ARL15: variants seen among roughly 807,000 people sequenced by gnomAD.
ARL15 encodes ADP-ribosylation factor-like protein 15.
A neutral mutation model predicts 25.2 loss-of-function variants in ARL15; 19 were observed. That is an observed-to-expected ratio of 0.75 (90% CI 0.53 to 1.10). ARL15 has a LOEUF of 1.10. Ranked by LOEUF, ARL15 falls within the 50% of genes least tolerant of loss-of-function variation. The probability of loss-of-function intolerance (pLI) is 0.00; values close to 1 mark genes in which losing one functional copy is unlikely to be tolerated. For missense variants in ARL15, 220 were observed against 246.0 expected (o/e 0.89, Z 0.71); for synonymous variants, 94 against 86.8 (o/e 1.08, Z -0.46).
At chr5:54,243,565 A>G (rs1395629709) in intron 1 of ARL15, among the ~76,000 whole-genome samples, 1 of 152,220 alleles carries the variant, frequency 6.6e-6, no homozygotes, top group Non-Finnish European at 1.5e-5. Flanking sequence ...GTTTTCTTAT[A>G]ATACTAAAAA....
rs566534237 is a variant in ARL15 at position 54,286,259 on chromosome 5, T to A, written c.48+24173A>T. The A allele has an allele frequency of 2.0e-5, 3 of 152,258 alleles. No homozygotes were observed. The East Asian group carries it at 5.8e-4, about 29-fold the overall frequency. 9.4% of individuals were successfully genotyped at this position (152,258 alleles called of 1,614,324 possible). On this transcript the variant is annotated intron_variant, in intron 1 of 4. Transcript: ENST00000504924. ...TCTACCCAAAGAGAAACATTTGCAATCTAAAGCAAAGCTAATAAAATTGGC... is the reference window on the plus strand; with the variant it reads ...TCTACCCAAAGAGAAACATTTGCAAACTAAAGCAAAGCTAATAAAATTGGC...
At chr5:54,214,232 A>C (rs1321104649) in intron 1 of ARL15, among the ~76,000 whole-genome samples, 1 of 152,188 alleles carries the variant, frequency 6.6e-6, no homozygotes, top group Non-Finnish European at 1.5e-5. Flanking sequence ...TTATTCACTA[A>C]CTGATATAAC....
intron 4 of ARL15, among the ~76,000 whole-genome samples, chr5:53,942,802 G>A (rs1746588272): frequency 6.6e-6 from 1 of 152,128 alleles, no homozygotes; most frequent in Admixed American, 6.5e-5. Flanking sequence ...CCTAGGATAT[G>A]AGTGTAGGTG....
At chr5:54,056,864 C>T (rs570326096) in intron 4 of ARL15, among the ~76,000 whole-genome samples, 8 of 151,984 alleles carry the variant, frequency 5.3e-5, no homozygotes, top group South Asian at 4.2e-4. Context: ...CCTGAGTATA[C>T]GGGGGAGCAC....
intron 1 of ARL15, among the ~76,000 whole-genome samples, chr5:54,280,771 T>TG (rs1758034347): frequency 6.6e-6 from 1 of 152,228 alleles, no homozygotes; most frequent in Non-Finnish European, 1.5e-5. Flanking sequence ...GAAAATAATT[T>TG]GGTCTTTAAA....
Position 53,908,661 on chromosome 5 carries a change from G to C in ARL15, c.463-21948C>G, listed in dbSNP as rs1745352250. Among the ~76,000 whole-genome samples, 3 of 152,226 alleles carry C rather than the reference G, an allele frequency of 2.0e-5. No homozygotes were observed. The South Asian group carries it at 6.2e-4, about 32-fold the overall frequency. On this transcript the variant is annotated intron_variant, in intron 4 of 4. Coordinates refer to ENST00000504924, the MANE Select transcript of ARL15 (RefSeq NM_019087.3). ...TGGAATGTATCCTCCGTCAATAAGG[G>C]GTGATCCACTTGTATTCAGATTTTC...
intron 1 of ARL15, among the ~76,000 whole-genome samples, chr5:54,181,754 C>T (rs570933229): frequency 4.6e-5 from 7 of 152,232 alleles, no homozygotes; most frequent in South Asian, 2.1e-4. Context: ...ATGAACATAG[C>T]GAGACCCCAT....
intron 1 of ARL15, among the ~76,000 whole-genome samples, chr5:54,277,854 A>G (rs923091694): frequency 4.6e-5 from 7 of 152,230 alleles, no homozygotes; most frequent in African/African-American, 1.7e-4. Context: ...CATGCAGGAC[A>G]TTCCCCTGGT....
intron 4 of ARL15, among the ~76,000 whole-genome samples, chr5:54,108,205 T>A (rs1221994588): frequency 6.6e-6 from 1 of 152,096 alleles, no homozygotes; most frequent in Non-Finnish European, 1.5e-5. Context: ...GATAGCTGAG[T>A]CATTCAGTGG....
chr5:54,167,805 C>A (rs753399204), intron 2 of ARL15, among the ~76,000 whole-genome samples: 22 of 152,132 alleles, frequency 1.4e-4, no homozygotes, highest in African/African-American at 5.1e-4. Context: ...GGAGTGAAAA[C>A]GATGGTCTAC....
intron 4 of ARL15, among the ~76,000 whole-genome samples, chr5:54,069,447 TG>T (rs1751348059): frequency 6.6e-6 from 1 of 151,178 alleles, no homozygotes; most frequent in Non-Finnish European, 1.5e-5. Context: ...GGCGAGTGTC[TG>T]TAGTCCCAGC....
At chr5:53,985,802 T>C (rs1206826667) in intron 4 of ARL15, among the ~76,000 whole-genome samples, 1 of 152,226 alleles carries the variant, frequency 6.6e-6, no homozygotes, top group Non-Finnish European at 1.5e-5. Flanking sequence ...TTCTTTTTTA[T>C]GGTATTTTCA....
At chr5:54,296,691 C>A (rs1758473501) in intron 1 of ARL15, among the ~76,000 whole-genome samples, 1 of 152,242 alleles carries the variant, frequency 6.6e-6, no homozygotes. Context: ...CAATGGGGAT[C>A]TGGGCAAGCC....
intron 1 of ARL15, among the ~76,000 whole-genome samples, chr5:54,267,577 C>A (rs2112636280): frequency 6.6e-6 from 1 of 152,148 alleles, no homozygotes; most frequent in South Asian, 2.1e-4. Flanking sequence ...AACTGTTAAT[C>A]ATTCCCTTAC....
chr5:54,037,360 AG>A (rs564875174), intron 4 of ARL15, among the ~76,000 whole-genome samples: 339 of 152,210 alleles, frequency 2.2e-3, no homozygotes, highest in African/African-American at 7.7e-3. Context: ...AATATGTCCA[AG>A]ATAAAGAAAA....
intron 4 of ARL15, among the ~76,000 whole-genome samples, chr5:54,059,268 G>C (rs1350815401): frequency 6.6e-6 from 1 of 152,158 alleles, no homozygotes; most frequent in Non-Finnish European, 1.5e-5. Context: ...GGCTTAAAAG[G>C]CTCATCAGTC....
chr5:54,272,420 A>G (rs1236584176), intron 1 of ARL15, among the ~76,000 whole-genome samples: 2 of 152,214 alleles, frequency 1.3e-5, no homozygotes, highest in African/African-American at 2.4e-5. Flanking sequence ...GTTTGTCAAG[A>G]AAACAAAGTC....
At chr5:54,125,287 G>A (rs764954395) in intron 3 of ARL15, among the ~76,000 whole-genome samples, 6 of 152,014 alleles carry the variant, frequency 3.9e-5, no homozygotes, top group Non-Finnish European at 8.8e-5. Flanking sequence ...GCCTGCCTTG[G>A]CCTCCCAAAG....
At chr5:54,033,596 T>C (rs1317359971) in intron 4 of ARL15, among the ~76,000 whole-genome samples, 5 of 149,732 alleles carry the variant, frequency 3.3e-5, no homozygotes, top group Non-Finnish European at 4.4e-5. Flanking sequence ...TGCTTGAACC[T>C]GGGAGGTGGA....
Sources: allele counts gnomAD v4.1 joint callset (sites outside exome capture counted in the v4.1 genomes callset), GRCh38; gene constraint gnomAD v4.1.1; transcripts MANE v1.5; gene names NCBI Gene and HGNC (gene_info 2026-07-23, HGNC 2026-07-21).